APBB2: variants seen among roughly 807,000 people sequenced by gnomAD.
The protein encoded by APBB2 is Fe65-like 1.
In APBB2, 38 loss-of-function variants were observed where a neutral mutation model predicts 82.5. The observed-to-expected ratio is 0.46, with a 90% CI of 0.36 to 0.60. APBB2 has a LOEUF of 0.60. Ranked by LOEUF, APBB2 falls within the 20% of genes least tolerant of loss-of-function variation. The pLI, the probability that APBB2 is intolerant of heterozygous loss-of-function variation, is 0.00. For synonymous variants in APBB2, 341 were observed against 368.2 expected (o/e 0.93, Z 0.85); for missense variants, 772 against 972.3 (o/e 0.79, Z 2.74).
At chr4:40,828,032 T>G (rs1015974589) in intron 13 of APBB2, among the ~76,000 whole-genome samples, 2 of 152,160 alleles carry the variant, frequency 1.3e-5, no homozygotes, top group African/African-American at 4.8e-5. Context: ...CTCTCTTGCC[T>G]GCTGCCATGT....
At chr4:41,156,429 T>G (rs1274576579) in intron 1 of APBB2, among the ~76,000 whole-genome samples, 1 of 152,208 alleles carries the variant, frequency 6.6e-6, no homozygotes. Context: ...GAGGGAAGAA[T>G]CTCCATGTGC....
intron 11 of APBB2, among the ~76,000 whole-genome samples, chr4:40,891,069 AT>A (rs1368674727): frequency 6.6e-6 from 1 of 152,242 alleles, no homozygotes; most frequent in Non-Finnish European, 1.5e-5. Flanking sequence ...GCACTGGCTC[AT>A]GAACTCTCTA....
rs543102452 is a variant in APBB2 at position 40,930,774 on chromosome 4, G to C, written c.1254+3682C>G. ...TTATTTATTTATTTTTTGAGACGGA[G>C]TCTCGCTCTGTCGCCCAGGCTGGAG... On this transcript the variant is annotated intron_variant, in intron 10 of 17. Transcript: ENST00000508593. Among the ~76,000 whole-genome samples, 6 of 152,174 alleles carry C rather than the reference G, an allele frequency of 3.9e-5. No individual in the cohort carries two copies. The East Asian group carries it at 1.2e-3, about 29-fold the overall frequency.
At chr4:40,884,029 C>T (rs906526923) in intron 12 of APBB2, among the ~76,000 whole-genome samples, 1 of 152,194 alleles carries the variant, frequency 6.6e-6, no homozygotes, top group Non-Finnish European at 1.5e-5. Flanking sequence ...CATGCCATAG[C>T]CTTCTGTGTC....
intron 6 of APBB2, among the ~76,000 whole-genome samples, chr4:40,991,035 G>T (rs554796580): frequency 2.9e-5 from 2 of 69,322 alleles, no homozygotes; most frequent in South Asian, 1.3e-3. Flanking sequence ...TGGAGGCAAG[G>T]TTTCACTCTG....
intron 10 of APBB2, among the ~76,000 whole-genome samples, chr4:40,930,938 G>A (rs1784085121): frequency 1.3e-5 from 2 of 151,972 alleles, no homozygotes; most frequent in Admixed American, 6.6e-5. Context: ...TAGTAGAGAC[G>A]GGGTTTCACT....
chr4:41,189,057 C>T (rs1773711071), intron 1 of APBB2, among the ~76,000 whole-genome samples: 1 of 152,182 alleles, frequency 6.6e-6, no homozygotes, highest in African/African-American at 2.4e-5. Context: ...AACAGAAATG[C>T]CTGGTAAGTG....
intron 6 of APBB2, among the ~76,000 whole-genome samples, chr4:40,996,516 C>CT (rs772356171): frequency 5.3e-5 from 8 of 152,220 alleles, no homozygotes; most frequent in Admixed American, 1.3e-4. Flanking sequence ...AACGACAACT[C>CT]TATCTTGAGG....
At chr4:41,175,415 A>G (rs754008131) in intron 1 of APBB2, among the ~76,000 whole-genome samples, 1 of 152,190 alleles carries the variant, frequency 6.6e-6, no homozygotes, top group African/African-American at 2.4e-5. Flanking sequence ...CGTTTTTAAA[A>G]ATAAATTTAA....
Position 41,100,650 on chromosome 4 carries a change from C to A in APBB2, c.-160G>T, listed in dbSNP as rs1044444917. On this transcript the variant is annotated 5_prime_UTR_variant, in exon 3 of 18. Coordinates refer to ENST00000508593, the MANE Select transcript of APBB2 (RefSeq NM_004307.2). Reference sequence around the variant, plus strand: ...TTAAAATTACTTACTTTTCCCAGGTCTTTGGTACAAAGCTCAGAAGGCAAG... The same window carrying A: ...TTAAAATTACTTACTTTTCCCAGGTATTTGGTACAAAGCTCAGAAGGCAAG... 2 of 152,116 alleles carry A rather than the reference C, an allele frequency of 1.3e-5. No homozygotes were observed. The highest frequency in any genetic ancestry group is 4.8e-5 in the African/African-American group (2 of 41,426). The allele number at this position is 152,116 out of a possible 1,614,324, so 9.4% of individuals were successfully genotyped here. A position where few individuals can be genotyped will look rare whatever the true frequency, so the allele number is the denominator to read the frequency against.
chr4:41,011,648 C>A (rs1050102521), intron 6 of APBB2, among the ~76,000 whole-genome samples: 1 of 152,114 alleles, frequency 6.6e-6, no homozygotes, highest in African/African-American at 2.4e-5. Flanking sequence ...CCAGGCTGGT[C>A]TCAAATTCCT....
In APBB2 at chr4:40,854,790, C is replaced by CAAA. The variant is rs80240731; in HGVS notation, c.1530-24216_1530-24214dup. On this transcript the variant is annotated intron_variant, in intron 12 of 17. Transcript: ENST00000508593. Reference sequence around the variant, plus strand: ...GGCGATAAGAGCGAAAGTCCATCTCCAAAAAAAAAAAAAAAAAAAGAAGAA... The same window carrying CAAA: ...GGCGATAAGAGCGAAAGTCCATCTCCAAAAAAAAAAAAAAAAAAAAAAGAAGAA... Among the ~76,000 whole-genome samples, 206 of 124,808 alleles carry CAAA rather than the reference C, an allele frequency of 1.7e-3. 2 individuals carry two copies. The highest frequency in any genetic ancestry group is 6.1e-3 in the African/African-American group (192 of 31,730). The allele number at this position is 124,808 out of a possible 152,430, so 81.9% of individuals were successfully genotyped here.
intron 10 of APBB2, among the ~76,000 whole-genome samples, chr4:40,912,267 G>A (rs761838614): frequency 7.9e-5 from 12 of 152,078 alleles, no homozygotes; most frequent in Non-Finnish European, 1.5e-4. Flanking sequence ...CTAACCCACC[G>A]CAGCCTAAGG....
chr4:40,870,069 G>A (rs575934735), intron 12 of APBB2, among the ~76,000 whole-genome samples: 1 of 152,182 alleles, frequency 6.6e-6, no homozygotes, highest in East Asian at 1.9e-4. Context: ...CATTTTGGGG[G>A]AAGACATCAT....
chr4:41,205,343 GC>G (rs1777671551), intron 1 of APBB2, among the ~76,000 whole-genome samples: 1 of 152,144 alleles, frequency 6.6e-6, no homozygotes, highest in African/African-American at 2.4e-5. Context: ...AGAGAAGGGA[GC>G]TATGGCAATC....
At chr4:40,985,189 C>T (rs558413564) in intron 6 of APBB2, among the ~76,000 whole-genome samples, 1 of 152,154 alleles carries the variant, frequency 6.6e-6, no homozygotes, top group South Asian at 2.1e-4. Context: ...GTTGGGATTA[C>T]AGGCGTGAGC....
intron 12 of APBB2, chr4:40,881,434 G>T (rs1768475961): frequency 1.1e-6 from 1 of 950,658 alleles, no homozygotes; most frequent in Non-Finnish European, 1.3e-6. Flanking sequence ...AAAAAACAAT[G>T]ACCAAGAAGA....
intron 6 of APBB2, among the ~76,000 whole-genome samples, chr4:41,007,508 G>GCACTGGCCCTCC: frequency 6.6e-6 from 1 of 152,054 alleles, no homozygotes; most frequent in East Asian, 1.9e-4. Context: ...CTTTTCCTTG[G>GCACTGGCCCTCC]CACTGGCCCT....
chr4:41,101,967 AAAAAG>A (rs1414306505), intron 2 of APBB2, among the ~76,000 whole-genome samples: 2 of 152,060 alleles, frequency 1.3e-5, no homozygotes, highest in East Asian at 1.9e-4. Context: ...TCAAAAAAAA[AAAAAG>A]AAAAGAAAAA....
Sources: allele counts gnomAD v4.1 joint callset (sites outside exome capture counted in the v4.1 genomes callset), GRCh38; gene constraint gnomAD v4.1.1; transcripts MANE v1.5; gene names NCBI Gene and HGNC (gene_info 2026-07-23, HGNC 2026-07-21).